Variants in TBC1D15 observed in about 807,000 individuals in gnomAD.
The protein encoded by TBC1D15 is TBC1 domain family member 15.
Under a neutral mutation model 95.4 loss-of-function variants are expected in TBC1D15, and 39 were observed. The observed-to-expected ratio is 0.41, with a 90% CI of 0.32 to 0.53. The LOEUF (loss-of-function observed/expected upper bound fraction) is 0.53. Among genes scored for constraint, TBC1D15 ranks in the 20% least tolerant of loss-of-function variants. The pLI is 0.29. For missense variants in TBC1D15, 733 were observed against 794.3 expected (o/e 0.92, Z 0.93); for synonymous variants, 258 against 261.3 (o/e 0.99, Z 0.12).
intron 1 of TBC1D15, 93 bp from the exon 2 acceptor site, chr12:71,871,977 C>T (rs1892801603): frequency 6.0e-6 from 3 of 496,968 alleles, no homozygotes; most frequent in African/African-American, 4.0e-5. Context: ...GAAACTTGGC[C>T]AAGTATGATA....
chr12:71,853,247 C>G (rs963471743), intron 1 of TBC1D15, among the ~76,000 whole-genome samples: 2 of 152,188 alleles, frequency 1.3e-5, no homozygotes, highest in African/African-American at 4.8e-5. Flanking sequence ...TAAACAAAAT[C>G]AGATCTCAGG....
At chr12:71,885,499 C>G (rs1174699889) in intron 5 of TBC1D15, among the ~76,000 whole-genome samples, 1 of 152,196 alleles carries the variant, frequency 6.6e-6, no homozygotes, top group Non-Finnish European at 1.5e-5. Flanking sequence ...TCTGTACACA[C>G]ACATGCTTCC....
chr12:71,906,863 C>A (rs1188146080), intron 10 of TBC1D15, among the ~76,000 whole-genome samples, 159 bp from the exon 11 acceptor site: 1 of 152,016 alleles, frequency 6.6e-6, no homozygotes, highest in Non-Finnish European at 1.5e-5. Context: ...TACTTTATTG[C>A]ATATTTGAAA....
chr12:71,858,504 A>T (rs1008417081), intron 1 of TBC1D15, among the ~76,000 whole-genome samples: 1 of 147,150 alleles, frequency 6.8e-6, no homozygotes, highest in African/African-American at 2.5e-5. Context: ...TTTTTTTTGA[A>T]ATATAGTCAA....
Position 71,920,866 on chromosome 12 carries a change from C to T in TBC1D15, c.1716+19C>T. ...ACTTAAGGTAGTTATTCCTTTAATT[C>T]AGATTTTAGTGTTCTGGCTTTTCTA... On this transcript the variant is annotated intron_variant, in intron 15 of 16. Transcript: ENST00000485960. 6.4e-7 allele frequency: 1 copy of T among 1,561,792 alleles called. No homozygotes were observed. The highest frequency in any genetic ancestry group is 8.8e-7 in the Non-Finnish European group (1 of 1,138,628).
chr12:71,914,668 C>G (rs1265532573), intron 12 of TBC1D15, among the ~76,000 whole-genome samples: 1 of 151,862 alleles, frequency 6.6e-6, no homozygotes, highest in African/African-American at 2.4e-5. Flanking sequence ...TTCAAAATAA[C>G]ACTAACATAC....
Position 71,852,396 on chromosome 12 carries a change from G to A in TBC1D15, c.30+12585G>A, listed in dbSNP as rs555014326. 2.0e-5 allele frequency among the ~76,000 whole-genome samples: 3 copies of A among 152,322 alleles called. No individual in the cohort carries two copies. In the East Asian group the frequency reaches 5.8e-4, roughly 29 times the overall value. ...ATGCCTTCAAGGCCTTTTCCCCATT[G>A]TCTTGGCTATCAGCACTTGCCTTTC... On this transcript the variant is annotated intron_variant, in intron 1 of 16. Coordinates refer to ENST00000485960, the MANE Select transcript of TBC1D15 (RefSeq NM_001146213.3).
intron 1 of TBC1D15, among the ~76,000 whole-genome samples, chr12:71,865,826 G>T (rs1891376748): frequency 1.3e-5 from 2 of 152,106 alleles, no homozygotes; most frequent in Admixed American, 6.5e-5. Context: ...GTTTCCCAGG[G>T]AGTGATATGC....
rs769546859 is a variant in TBC1D15, at chr12:71,872,913, T to A, written c.130-16T>A. On this transcript the variant is annotated splice_polypyrimidine_tract_variant and intron_variant, in intron 2 of 16. Coordinates refer to ENST00000485960, the MANE Select transcript of TBC1D15 (RefSeq NM_001146213.3). ...ATTGCTGAATATTAAATATAGTTCA[T>A]AATTTCTTTCTCTAGGATGCCGAAG... 1.3e-6 allele frequency: 2 copies of A among 1,569,052 alleles called. No homozygotes were observed. Among genetic ancestry groups the A allele is most frequent in the Non-Finnish European group, 1.7e-6 (2 of 1,151,556 alleles).
intron 7 of TBC1D15, among the ~76,000 whole-genome samples, chr12:71,895,394 T>C (rs1423421622): frequency 6.6e-6 from 1 of 152,078 alleles, no homozygotes; most frequent in South Asian, 2.1e-4. Flanking sequence ...AATATCTAAA[T>C]TTTAGTGCTT....
chr12:71,920,011 T>C (rs564867315), intron 14 of TBC1D15, among the ~76,000 whole-genome samples: 32 of 152,346 alleles, frequency 2.1e-4, no homozygotes, highest in African/African-American at 5.8e-4. Flanking sequence ...TTACTCCTTT[T>C]GAAAGAAGTA....
intron 1 of TBC1D15, among the ~76,000 whole-genome samples, chr12:71,870,838 C>A (rs575053492): frequency 6.6e-6 from 1 of 151,972 alleles, no homozygotes; most frequent in African/African-American, 2.4e-5. Flanking sequence ...ATAAGTGTTC[C>A]GTAAATGTTA....
At chr12:71,870,832 G>T (rs1212980545) in intron 1 of TBC1D15, among the ~76,000 whole-genome samples, 1 of 152,112 alleles carries the variant, frequency 6.6e-6, no homozygotes, top group Admixed American at 6.6e-5. Context: ...TAGTGTATAA[G>T]TGTTCCGTAA....
chr12:71,896,438 G>T (rs1032902547), intron 8 of TBC1D15: 11 of 401,756 alleles, frequency 2.7e-5, no homozygotes, highest in Admixed American at 2.5e-4. Context: ...CTGTCTGTCT[G>T]CTGTAGTCTA....
intron 3 of TBC1D15, among the ~76,000 whole-genome samples, chr12:71,874,531 C>T (rs1299984003): frequency 6.6e-6 from 1 of 151,838 alleles, no homozygotes; most frequent in Non-Finnish European, 1.5e-5. Flanking sequence ...TCCACAGATA[C>T]AGAACCCATG....
intron 4 of TBC1D15, among the ~76,000 whole-genome samples, chr12:71,882,652 A>G (rs1374754101): frequency 6.6e-6 from 1 of 152,226 alleles, no homozygotes; most frequent in Non-Finnish European, 1.5e-5. Flanking sequence ...TATTTGCAGC[A>G]GAATGCTTTG....
intron 10 of TBC1D15, among the ~76,000 whole-genome samples, chr12:71,903,424 G>A (rs184872748): frequency 6.6e-6 from 1 of 152,304 alleles, no homozygotes; most frequent in Admixed American, 6.5e-5. Flanking sequence ...TGGTGGGAAA[G>A]TAAATTAATT....
intron 4 of TBC1D15, among the ~76,000 whole-genome samples, chr12:71,884,301 G>A (rs1028368182): frequency 5.3e-5 from 8 of 152,058 alleles, no homozygotes; most frequent in African/African-American, 1.9e-4. Context: ...TTCTTATTTT[G>A]GGGGGAGTGG....
chr12:71,862,977 T>A (rs956677785), intron 1 of TBC1D15, among the ~76,000 whole-genome samples: 3 of 152,224 alleles, frequency 2.0e-5, no homozygotes, highest in Non-Finnish European at 2.9e-5. Flanking sequence ...CCCTGATTTG[T>A]GAAAGATAGC....
Sources: allele counts gnomAD v4.1 joint callset (sites outside exome capture counted in the v4.1 genomes callset), GRCh38; gene constraint gnomAD v4.1.1; transcripts MANE v1.5; gene names NCBI Gene and HGNC (gene_info 2026-07-23, HGNC 2026-07-21).